The following PACC1 variants were observed in gnomAD, a reference collection of about 807,000 sequenced individuals.
The protein encoded by PACC1 is proton-activated chloride channel.
A neutral mutation model predicts 39.7 loss-of-function variants in PACC1; 34 were observed. The observed-to-expected ratio is 0.86, with a 90% CI of 0.65 to 1.14. The LOEUF (loss-of-function observed/expected upper bound fraction) is 1.14. Ranked by LOEUF, PACC1 falls within the 50% of genes most tolerant of loss-of-function variation. The pLI is 0.00. For missense variants in PACC1, 379 were observed against 436.4 expected, an observed-to-expected ratio of 0.87 and a Z score of 1.17; for synonymous variants, 127 against 160.6, an observed-to-expected ratio of 0.79 and a Z score of 1.58.
intron 6 of PACC1, 151 bp downstream of exon 6, chr1:212,377,411 G>A: frequency 9.8e-7 from 1 of 1,025,444 alleles, no homozygotes; most frequent in South Asian, 1.6e-5. Context: ...AGCATATGAA[G>A]CCCTCCATGG....
At chr1:212,410,743 A>G (rs1363815048) in intron 1 of PACC1, among the ~76,000 whole-genome samples, 1 of 152,240 alleles carries the variant, frequency 6.6e-6, no homozygotes, top group South Asian at 2.1e-4. Context: ...CAAGTACCAC[A>G]AACCGAACAG....
intron 4 of PACC1, among the ~76,000 whole-genome samples, chr1:212,381,694 TG>T (rs1660892156): frequency 1.3e-5 from 1 of 78,578 alleles, no homozygotes; most frequent in Non-Finnish European, 2.8e-5. Flanking sequence ...ACACACACAC[TG>T]CACACACACA....
chr1:212,403,335 C>A (rs1348120845), intron 2 of PACC1, among the ~76,000 whole-genome samples: 1 of 152,170 alleles, frequency 6.6e-6, no homozygotes, highest in Admixed American at 6.5e-5. Flanking sequence ...GCCCTCCATT[C>A]AACTCCTTTT....
chr1:212,413,979 T>C, intron 1 of PACC1: 1 of 1,535,730 alleles, frequency 6.5e-7, no homozygotes, highest in African/African-American at 1.4e-5. Context: ...GACCAAGGTT[T>C]GGGGGCCGAG....
Position 212,389,570 on chromosome 1 carries a change from G to C in PACC1, c.134-2470C>G, listed in dbSNP as rs1218830286. Among the ~76,000 whole-genome samples the C allele has an allele frequency of 2.0e-5, 3 of 152,170 alleles. No individual in the cohort carries two copies. The South Asian group carries it at 6.2e-4, about 32-fold the overall frequency. On this transcript the variant is annotated intron_variant, in intron 2 of 7. Transcript: ENST00000261455. ...ACAAGAAAATGTGACCTGTACTCAA[G>C]AAAAAAGCAATCTATAGAAACCAAC...
intron 1 of PACC1, chr1:212,414,010 A>T (rs904592824): frequency 2.0e-6 from 3 of 1,535,676 alleles, no homozygotes; most frequent in Non-Finnish European, 2.6e-6. Flanking sequence ...GGAGGAGGAG[A>T]GCAGTTTCAC....
At position 212,414,640 on chromosome 1, in the gene PACC1, C is replaced by A. The variant is rs1571691041; in HGVS notation, c.36+82G>T. On this transcript the variant is annotated intron_variant, in intron 1 of 7. Coordinates refer to ENST00000261455, the MANE Select transcript of PACC1 (RefSeq NM_018252.3). ...AGCCCTCTGCCGCGCAGCCCCGACA[C>A]CCCCCGCCCCGCATCCGCCCAGGCC... The A allele has an allele frequency of 6.5e-6, 10 of 1,538,748 alleles. No homozygotes were observed. The East Asian group carries it at 6.9e-5, about 11-fold the overall frequency.
In PACC1 at chr1:212,385,741, C is replaced by T. The variant is rs774341408; in HGVS notation, c.344-316G>A. Among the ~76,000 whole-genome samples, 15 of 152,254 alleles carry T rather than the reference C, an allele frequency of 9.9e-5. 1 individual carries two copies. In the South Asian group the frequency reaches 2.1e-3, roughly 21 times the overall value. On this transcript the variant is annotated intron_variant, in intron 3 of 7. Coordinates refer to ENST00000261455, the MANE Select transcript of PACC1 (RefSeq NM_018252.3). The stretch of plus-strand genomic sequence containing the variant: ...CCGAAGGAGTGTCTCTTGACTCAGC[C>T]CCTGTGCCACCCCTCTGGGCCAACA...
chr1:212,374,823 T>C (rs1660587518), intron 7 of PACC1, among the ~76,000 whole-genome samples: 1 of 152,332 alleles, frequency 6.6e-6, no homozygotes, highest in Middle Eastern at 3.4e-3. Context: ...TGTATAGTGG[T>C]AACTTAATGC....
At chr1:212,382,233 C>CG (rs1355240125) in intron 4 of PACC1, among the ~76,000 whole-genome samples, 1 of 151,934 alleles carries the variant, frequency 6.6e-6, no homozygotes, top group African/African-American at 2.4e-5. Context: ...TTAGTAGAGA[C>CG]GGGGTTTCAC....
At chr1:212,392,130 A>G (rs1661345162) in intron 2 of PACC1, among the ~76,000 whole-genome samples, 1 of 152,236 alleles carries the variant, frequency 6.6e-6, no homozygotes, top group Admixed American at 6.5e-5. Context: ...CAACTCTCAG[A>G]CACATAATTG....
At chr1:212,371,037 A>G (rs1660432343) in intron 7 of PACC1, among the ~76,000 whole-genome samples, 2 of 152,070 alleles carry the variant, frequency 1.3e-5, no homozygotes, top group African/African-American at 4.8e-5. Context: ...CACAAGGTCA[A>G]GAGAACAAGA....
At chr1:212,376,322 T>C (rs1660665051) in intron 6 of PACC1, among the ~76,000 whole-genome samples, 7 of 152,200 alleles carry the variant, frequency 4.6e-5, no homozygotes, top group Admixed American at 4.6e-4. Flanking sequence ...AATGTGATTT[T>C]AAAACACATT....
chr1:212,390,042 G>GA lies in PACC1; in HGVS notation c.134-2943dup, dbSNP rs201012222. 2.6e-3 allele frequency among the ~76,000 whole-genome samples: 377 copies of GA among 146,792 alleles called. 2 individuals are homozygous for GA. The highest frequency in any genetic ancestry group is 8.6e-3 in the African/African-American group (343 of 40,090). Reference sequence around the variant, plus strand: ...ATCCAATTTGAAGAAAATATTGAAGGAAAAAAAAAACCAAATGGAGCCCGG... The same window carrying GA: ...ATCCAATTTGAAGAAAATATTGAAGGAAAAAAAAAAACCAAATGGAGCCCGG... On this transcript the variant is annotated intron_variant, in intron 2 of 7. Transcript: ENST00000261455.
chr1:212,397,126 G>A (rs1661556299), intron 2 of PACC1, among the ~76,000 whole-genome samples: 1 of 151,988 alleles, frequency 6.6e-6, no homozygotes, highest in East Asian at 1.9e-4. Flanking sequence ...GTAACTCTCA[G>A]ATGTAAAGAG....
intron 2 of PACC1, among the ~76,000 whole-genome samples, chr1:212,394,458 G>T (rs932501879): frequency 2.0e-5 from 3 of 152,166 alleles, no homozygotes; most frequent in Admixed American, 2.0e-4. Flanking sequence ...AGCTATTTAT[G>T]ACAAACCTAC....
intron 2 of PACC1, among the ~76,000 whole-genome samples, chr1:212,404,857 C>T (rs1661850420): frequency 6.6e-6 from 1 of 152,170 alleles, no homozygotes; most frequent in Non-Finnish European, 1.5e-5. Context: ...CAACCTCCGC[C>T]TCCCGGCTTC....
intron 7 of PACC1, among the ~76,000 whole-genome samples, chr1:212,367,312 C>T (rs1027989459): frequency 6.6e-6 from 1 of 152,174 alleles, no homozygotes; most frequent in Non-Finnish European, 1.5e-5. Flanking sequence ...TGCCTACACA[C>T]CCCTCCCCCA....
intron 2 of PACC1, 69 bp from the exon 3 acceptor site, chr1:212,387,169 C>A: frequency 6.6e-7 from 1 of 1,518,884 alleles, no homozygotes; most frequent in Non-Finnish European, 9.0e-7. Flanking sequence ...GGCCAGCAAC[C>A]TCCAGGCCCT....
Sources: allele counts gnomAD v4.1 joint callset (sites outside exome capture counted in the v4.1 genomes callset), GRCh38; gene constraint gnomAD v4.1.1; transcripts MANE v1.5; gene names NCBI Gene and HGNC (gene_info 2026-07-23, HGNC 2026-07-21).